CASP8: variants seen among roughly 807,000 people sequenced by gnomAD.
CASP8 encodes the protein caspase-8.
A neutral mutation model predicts 46.3 loss-of-function variants in CASP8; 24 were observed. The observed-to-expected ratio is 0.52, with a 90% CI of 0.38 to 0.73. The LOEUF (loss-of-function observed/expected upper bound fraction) is 0.73. CASP8 is among the 30% of genes least tolerant of loss of function. CASP8 has a pLI of 0.00. For synonymous variants in CASP8, 188 were observed against 200.4 expected, an observed-to-expected ratio of 0.94 and a Z score of 0.52; for missense variants, 460 against 559.0, an observed-to-expected ratio of 0.82 and a Z score of 1.79.
rs13401994 is a variant in CASP8, at chr2:201,269,421, G to T, written c.306-2095G>T. On this transcript the variant is annotated intron_variant, in intron 2 of 8. Coordinates refer to ENST00000673742, the MANE Select transcript of CASP8 (RefSeq NM_001372051.1). ...CTTTATAAGGCACTTATTCATTAAGGCGCCAGTTAGTCCTAAAAACCCACA... is the reference window on the plus strand; with the variant it reads ...CTTTATAAGGCACTTATTCATTAAGTCGCCAGTTAGTCCTAAAAACCCACA... The T allele has an allele frequency of 0.042, 33,234 of 788,336 alleles. 1,402 individuals carry two copies. The highest frequency in any genetic ancestry group is 0.14 in the South Asian group (9,961 of 68,868). 48.8% of individuals were successfully genotyped at this position (788,336 alleles called of 1,614,324 possible). A position where few individuals can be genotyped will look rare whatever the true frequency, so the allele number is the denominator to read the frequency against.
rs961103915 is a variant in CASP8, at chr2:201,271,108, A to G, written c.306-408A>G. On this transcript the variant is annotated intron_variant, in intron 2 of 8. Coordinates refer to ENST00000673742, the MANE Select transcript of CASP8 (RefSeq NM_001372051.1). Reference sequence around the variant, plus strand: ...CCAGAACCGAATGCTTGGCCGTCTTACTGAAGATAATGACTGGGAGAATAC... The same window carrying G: ...CCAGAACCGAATGCTTGGCCGTCTTGCTGAAGATAATGACTGGGAGAATAC... Among the ~76,000 whole-genome samples the G allele has an allele frequency of 2.0e-5, 3 of 152,234 alleles. No individual in the cohort carries two copies. The East Asian group carries it at 5.8e-4, about 29-fold the overall frequency.
chr2:201,258,103 TTCTC>T (rs1947113482), upstream of CASP8: 13 of 1,056,098 alleles, frequency 1.2e-5, no homozygotes, highest in Non-Finnish European at 1.9e-5. Flanking sequence ...AGTTTTCTCT[TTCTC>T]TCGGAGACCA....
intron 2 of CASP8, among the ~76,000 whole-genome samples, chr2:201,253,130 G>C (rs112616356): frequency 0.089 from 13,517 of 151,692 alleles, 1,131 homozygotes; most frequent in African/African-American, 0.22. Context: ...GACCACAGGT[G>C]TGCACCACCA....
At chr2:201,281,854 G>C (rs1311963928) in intron 7 of CASP8, 1 of 1,472,792 alleles carries the variant, frequency 6.8e-7, no homozygotes. Flanking sequence ...GTTTTTAGCT[G>C]GTGGCAATAA....
chr2:201,263,224 A>T (rs6435074), intron 1 of CASP8, among the ~76,000 whole-genome samples: 4 of 151,976 alleles, frequency 2.6e-5, no homozygotes, highest in Non-Finnish European at 5.9e-5. Flanking sequence ...TCATTTTGAC[A>T]CCATAATACT....
At position 201,247,000 on chromosome 2, in the gene CASP8, G is replaced by T. The variant is rs531477164; in HGVS notation, c.-27+12888G>T. On this transcript the variant is annotated intron_variant, in intron 2 of 6. Coordinates refer to the CASP8 transcript ENST00000264274. Reference sequence around the variant, plus strand: ...TCACGAGATCAGGAGTTCAAGACCAGCCTGGCCAAGATGGTGAAACCCTGT... The same window carrying T: ...TCACGAGATCAGGAGTTCAAGACCATCCTGGCCAAGATGGTGAAACCCTGT... Among the ~76,000 whole-genome samples the T allele has an allele frequency of 8.9e-4, 135 of 151,984 alleles. 1 individual carries two copies. In the Middle Eastern group the frequency reaches 0.01, roughly 11 times the overall value.
At position 201,272,713 on chromosome 2, in the gene CASP8, G is replaced by A. The variant is rs1948349548; in HGVS notation, c.487G>A (p.Val163Ile). ...GEGKLDILKR[V>I]CAQINKSLLK... The stretch of plus-strand genomic sequence containing the variant: ...AGGAAAGTTGGACATCCTGAAAAGA[G>A]TCTGTGCCCAAATCAACAAGAGCCT... The change falls in exon 4 of 9, where the codon GTC (valine) becomes ATC (isoleucine). Residue 163 changes from valine (V) to isoleucine (I), a missense_variant. By Grantham distance (29) the Val-to-Ile change is conservative. Coordinates refer to ENST00000673742, the MANE Select transcript of CASP8 (RefSeq NM_001372051.1). The surrounding 1 kb of genome is among the most constrained non-coding windows in gnomAD (Gnocchi z 4.4). 6.2e-7 allele frequency: 1 copy of A among 1,614,054 alleles called. No homozygotes were observed. Among genetic ancestry groups the A allele is most frequent in the African/African-American group, 1.3e-5 (1 of 74,918 alleles).
intron 2 of CASP8, among the ~76,000 whole-genome samples, chr2:201,267,481 G>A (rs1426251982): frequency 2.0e-5 from 3 of 152,112 alleles, no homozygotes; most frequent in South Asian, 2.1e-4. Context: ...GAGCCCGGCT[G>A]TATGACAGTT....
chr2:201,242,543 A>T (rs1285662249), intron 2 of CASP8: 1 of 152,178 alleles, frequency 6.6e-6, no homozygotes, highest in African/African-American at 2.4e-5. Flanking sequence ...CCATCTCCAA[A>T]TACCAACACA....
At chr2:201,241,871 T>A (rs1256108187) in intron 2 of CASP8, 1 of 152,178 alleles carries the variant, frequency 6.6e-6, no homozygotes, top group Non-Finnish European at 1.5e-5. Flanking sequence ...GTGGCATTTA[T>A]CCCTAGGATA....
chr2:201,246,649 G>A (rs1481688654), intron 2 of CASP8, among the ~76,000 whole-genome samples: 1 of 152,074 alleles, frequency 6.6e-6, no homozygotes, highest in Non-Finnish European at 1.5e-5. Context: ...TCCCCAGCCT[G>A]TATTCTCACC....
At chr2:201,245,026 A>G (rs1321533823) in intron 2 of CASP8, among the ~76,000 whole-genome samples, 2 of 152,096 alleles carry the variant, frequency 1.3e-5, no homozygotes, top group Non-Finnish European at 2.9e-5. Flanking sequence ...CTGTCCTTCA[A>G]TTGTCTACTA....
intron 2 of CASP8, among the ~76,000 whole-genome samples, chr2:201,236,053 TG>T (rs1006251508): frequency 3.2e-4 from 49 of 152,354 alleles, no homozygotes; most frequent in African/African-American, 1.2e-3. Flanking sequence ...ATGCTTTTCT[TG>T]GAACTTATGC....
intron 6 of CASP8, among the ~76,000 whole-genome samples, chr2:201,275,879 C>G (rs1948599718): frequency 6.6e-6 from 1 of 152,118 alleles, no homozygotes; most frequent in Admixed American, 6.5e-5. Context: ...CTGGCCAAAT[C>G]TTAGTGTCTT....
In CASP8 at chr2:201,287,314, C is replaced by CTT. The variant is rs764473458; in HGVS notation, c.*721_*722dup. ...TTGGGAGGTTGAGGTGGGAGGATTG[C>CTT]TTGAACCCAAGAGGTCAAGGCTGCA... On this transcript the variant is annotated 3_prime_UTR_variant, in exon 9 of 9. Transcript: ENST00000673742. 6 of 152,596 alleles carry CTT rather than the reference C, an allele frequency of 3.9e-5. No individual in the cohort carries two copies. Among genetic ancestry groups the CTT allele is most frequent in the Non-Finnish European group, 8.8e-5 (6 of 68,326 alleles). The allele number at this position is 152,596 out of a possible 1,614,324, so 9.5% of individuals were successfully genotyped here. A position where few individuals can be genotyped will look rare whatever the true frequency, so the allele number is the denominator to read the frequency against.
intron 2 of CASP8, chr2:201,241,541 G>A (rs1175299806): frequency 1.3e-5 from 2 of 152,180 alleles, no homozygotes; most frequent in Non-Finnish European, 2.9e-5. Context: ...CTAATGTGGA[G>A]GTTTAGTCAA....
upstream of CASP8, chr2:201,257,947 G>A (rs1468378571): frequency 7.0e-6 from 3 of 430,210 alleles, no homozygotes; most frequent in East Asian, 1.0e-4. Flanking sequence ...TAGTTTGCAC[G>A]TCCATGAATT....
intron 2 of CASP8, among the ~76,000 whole-genome samples, chr2:201,252,640 A>C (rs978883959): frequency 6.6e-6 from 1 of 152,044 alleles, no homozygotes; most frequent in Non-Finnish European, 1.5e-5. Flanking sequence ...TTGAAGGGGG[A>C]TCTCAAAGAA....
At chr2:201,280,563 CT>C (rs35901137) in intron 7 of CASP8, among the ~76,000 whole-genome samples, 51,026 of 152,064 alleles carry the variant, frequency 0.34, 10,125 homozygotes, top group East Asian at 0.48. Context: ...AGGAAAAATG[CT>C]TTTGGAAATA....
Sources: allele counts gnomAD v4.1 joint callset (sites outside exome capture counted in the v4.1 genomes callset), GRCh38; gene constraint gnomAD v4.1.1; non-coding constraint Gnocchi (gnomAD v3.1); transcripts MANE v1.5; gene names NCBI Gene and HGNC (gene_info 2026-07-23, HGNC 2026-07-21).